Variants in MCM3 observed in about 807,000 individuals in gnomAD.
MCM3 encodes the protein DNA replication licensing factor MCM3.
In MCM3, 59 loss-of-function variants were observed where a neutral mutation model predicts 91.3. The observed-to-expected ratio is 0.65, with a 90% confidence interval of 0.52 to 0.80. The LOEUF (loss-of-function observed/expected upper bound fraction) is 0.80. Among genes scored for constraint, MCM3 ranks in the 30% least tolerant of loss-of-function variants. MCM3 has a pLI of 0.00. For synonymous variants in MCM3, 383 were observed against 379.6 expected (o/e 1.01, Z -0.10); for missense variants, 919 against 1,035.4 (o/e 0.89, Z 1.54).
At chr6:52,280,152 G>A (rs955836554) in intron 4 of MCM3, among the ~76,000 whole-genome samples, 1 of 152,180 alleles carries the variant, frequency 6.6e-6, no homozygotes. Context: ...ACAGCTGAAA[G>A]TAATCCATAC....
chr6:52,265,913 T>G (rs139517742), intron 16 of MCM3, among the ~76,000 whole-genome samples, 162 bp downstream of exon 16: 1 of 152,330 alleles, frequency 6.6e-6, no homozygotes, highest in African/African-American at 2.4e-5. Context: ...TTCAGTAAGT[T>G]TGAAATTAAA....
intron 5 of MCM3, 123 bp from the exon 6 acceptor site, chr6:52,278,973 G>A: frequency 1.6e-6 from 1 of 625,354 alleles, no homozygotes; most frequent in South Asian, 2.2e-5. Context: ...AGAGTTGGTG[G>A]GGAGGGGGCA....
chr6:52,272,058 G>C (rs1411945123), intron 12 of MCM3, among the ~76,000 whole-genome samples: 1 of 152,138 alleles, frequency 6.6e-6, no homozygotes, highest in Admixed American at 6.5e-5. Context: ...TCCTATGTTT[G>C]CTGAATGAAT....
chr6:52,271,460 T>C (rs1180710429), intron 12 of MCM3, among the ~76,000 whole-genome samples: 1 of 152,136 alleles, frequency 6.6e-6, no homozygotes, highest in African/African-American at 2.4e-5. Flanking sequence ...CTGACCAACA[T>C]GGAGAAACCT....
At chr6:52,276,085 T>A in intron 9 of MCM3, 183 bp downstream of exon 9, 2 of 601,870 alleles carry the variant, frequency 3.3e-6, no homozygotes, top group South Asian at 2.1e-5. Context: ...TTCCAGGGGA[T>A]TCTGCTGTGC....
At chr6:52,274,723 T>A (rs549285561) in intron 9 of MCM3, among the ~76,000 whole-genome samples, 2 of 151,788 alleles carry the variant, frequency 1.3e-5, no homozygotes, top group Non-Finnish European at 2.9e-5. Flanking sequence ...GAGTTTTTCC[T>A]TGGGATTCAA....
chr6:52,274,424 A>C (rs139138522), intron 9 of MCM3, among the ~76,000 whole-genome samples: 218 of 152,338 alleles, frequency 1.4e-3, no homozygotes, highest in African/African-American at 5.0e-3. Context: ...TCACACCTGT[A>C]ATCCCAGCAC....
rs534703350 is a variant in MCM3, at chr6:52,267,789, T to C, written c.2072+76A>G. 2.5e-4 allele frequency: 182 copies of C among 721,834 alleles called. 1 individual carries two copies. In the African/African-American group the frequency reaches 2.8e-3, roughly 11 times the overall value. 44.7% of individuals were successfully genotyped at this position (721,834 alleles called of 1,614,324 possible). A position where few individuals can be genotyped will look rare whatever the true frequency, so the allele number is the denominator to read the frequency against. On this transcript the variant is annotated intron_variant, in intron 14 of 16. Coordinates refer to ENST00000596288, the MANE Select transcript of MCM3 (RefSeq NM_002388.6). ...GACCCACCCGCCTCGGCCTCCCAAA[T>C]TGCTAAGATTACAGGCGTGCACCCC...
At chr6:52,280,412 C>T (rs1216336092) in intron 4 of MCM3, among the ~76,000 whole-genome samples, 2 of 152,242 alleles carry the variant, frequency 1.3e-5, no homozygotes, top group Non-Finnish European at 1.5e-5. Context: ...TGTGCTATTA[C>T]TTCACAAAAT....
At chr6:52,278,922 G>A (rs1347997439) in intron 5 of MCM3, 72 bp from the exon 6 acceptor site, 9 of 1,092,138 alleles carry the variant, frequency 8.2e-6, no homozygotes, top group Middle Eastern at 4.0e-4. Flanking sequence ...ACCCCTAGCA[G>A]GAGTAAGCCT....
intron 4 of MCM3, among the ~76,000 whole-genome samples, chr6:52,280,366 T>C (rs1186191576): frequency 2.0e-5 from 3 of 152,236 alleles, no homozygotes; most frequent in Non-Finnish European, 2.9e-5. Context: ...AAAAACACAG[T>C]TGTCACTTAT....
intron 16 of MCM3, 140 bp from the exon 17 acceptor site, chr6:52,264,926 T>G (rs1324310715): frequency 2.9e-6 from 2 of 700,210 alleles, no homozygotes; most frequent in Non-Finnish European, 4.9e-6. Flanking sequence ...CATCTGCCTC[T>G]GATGGCAGTG....
chr6:52,264,641 T>A lies in MCM3; in HGVS notation c.2374A>T (p.Met792Leu). ...SVEIQAALSK[M>L]QDDNQVMVSE... ...ACCATGACCTGATTGTCATCCTGCA[T>A]CTTGCTCAGAGCAGCCTGGATCTCA... The change falls in exon 17 of 17, where the codon ATG becomes TTG. Residue 792 changes from methionine (M) to leucine (L), a missense_variant. Physicochemically the swap from Met to Leu is conservative, Grantham distance 15 (BLOSUM62 2). Coordinates refer to ENST00000596288, the MANE Select transcript of MCM3 (RefSeq NM_002388.6). 2.5e-6 allele frequency: 4 copies of A among 1,614,196 alleles called. No homozygotes were observed. The highest frequency in any genetic ancestry group is 3.4e-6 in the Non-Finnish European group (4 of 1,180,034).
rs750487382 is a variant in MCM3 at position 52,265,370 on chromosome 6, T to C, written c.2229-584A>G. 6 of 340,786 alleles carry C rather than the reference T, an allele frequency of 1.8e-5. 1 individual carries two copies. The highest frequency in any genetic ancestry group is 1.1e-4 in the South Asian group (5 of 45,578). The allele number at this position is 340,786 out of a possible 1,614,324, so 21.1% of individuals were successfully genotyped here. On this transcript the variant is annotated intron_variant, in intron 16 of 16. Transcript: ENST00000596288. ...GAGTCCAAGACCAGCCTGGGCAACA[T>C]GGTGAGATCCCGTCTCTACAAAAAG...
At chr6:52,277,284 A>C in intron 7 of MCM3, 86 bp from the exon 8 acceptor site, 1 of 1,407,114 alleles carries the variant, frequency 7.1e-7, no homozygotes. Flanking sequence ...CTCTTGACAC[A>C]ACAGAGTCAC....
chr6:52,274,677 A>T (rs1765412401), intron 9 of MCM3, among the ~76,000 whole-genome samples: 1 of 150,112 alleles, frequency 6.7e-6, no homozygotes, highest in Admixed American at 6.6e-5. Context: ...TGGCAGGGTA[A>T]GACTATGTCT....
chr6:52,282,234 A>AC lies in MCM3; in HGVS notation c.401-60dup, dbSNP rs1479018459. On this transcript the variant is annotated intron_variant, in intron 3 of 16. Transcript: ENST00000596288. The stretch of plus-strand genomic sequence containing the variant: ...CCAACTAGACGATGATACAGGTGGA[A>AC]CCCAAACATATGCAAGCCTATAATG... 4 of 1,518,142 alleles carry AC rather than the reference A, an allele frequency of 2.6e-6. No individual in the cohort carries two copies. The Admixed American group carries it at 6.8e-5, about 26-fold the overall frequency. 94.0% of individuals were successfully genotyped at this position (1,518,142 alleles called of 1,614,324 possible).
chr6:52,269,153 C>A lies in MCM3; in HGVS notation c.1901G>T (p.Ser634Ile). 1.9e-6 allele frequency: 3 copies of A among 1,614,098 alleles called. No individual in the cohort carries two copies. Among genetic ancestry groups the A allele is most frequent in the Non-Finnish European group, 2.5e-6 (3 of 1,179,924 alleles). The change falls in exon 13 of 17, where the codon AGC becomes ATC. Residue 634 changes from serine (S) to isoleucine (I), a missense_variant. Ser to Ile is a moderately radical substitution (Grantham distance 142, BLOSUM62 -2). Coordinates refer to ENST00000596288, the MANE Select transcript of MCM3 (RefSeq NM_002388.6). ...LATAHAKARM[S>I]KTVDLQDAEE... ...TGCATCCTGCAGGTCCACAGTCTTG[C>A]TCATGCGGGCCTTCGCATGGGCTGT...
Position 52,279,559 on chromosome 6 carries a change from G to C in MCM3, c.572C>G (p.Ser191Cys). The C allele has an allele frequency of 6.2e-7, 1 of 1,614,100 alleles. No individual in the cohort carries two copies. The highest frequency in any genetic ancestry group is 1.1e-5 in the South Asian group (1 of 91,082). The change falls in exon 5 of 17, where the codon TCT (serine) becomes TGT (cysteine). Residue 191 changes from serine (S) to cysteine (C), a missense_variant. By Grantham distance (112) the Ser-to-Cys change is moderately radical (BLOSUM62 -1). This residue lies in a region of MCM3 where 401 missense variants were observed against 402.7 expected (regional missense o/e 1.00). Coordinates refer to ENST00000596288, the MANE Select transcript of MCM3 (RefSeq NM_002388.6). ...GATGGTCTGGTGATCCTTGTAGACA[G>C]AAAGGCCATATTCTGTCTCAAGGGG... is the stretch of plus-strand genomic sequence containing the variant. ...NNPLETEYGL[S>C]VYKDHQTITI...
Sources: allele counts gnomAD v4.1 joint callset (sites outside exome capture counted in the v4.1 genomes callset), GRCh38; gene constraint gnomAD v4.1.1; regional missense constraint gnomAD v4.1.1; transcripts MANE v1.5; gene names NCBI Gene and HGNC (gene_info 2026-07-23, HGNC 2026-07-21).